Variants in ASCC3 observed in about 807,000 individuals in gnomAD.
ASCC3 encodes the protein activating signal cointegrator 1 complex subunit 3, also known as ASC-1 complex subunit P200.
ASCC3 carries 158 observed loss-of-function variants against 256.3 expected under a neutral mutation model. That is an observed-to-expected ratio of 0.62 (90% CI 0.54 to 0.70). The LOEUF is 0.70. Ranked by LOEUF, ASCC3 falls within the 30% of genes least tolerant of loss-of-function variation. The pLI is 0.00. For missense variants in ASCC3, 2,259 were observed against 2,626.0 expected (o/e 0.86, Z 3.05); for synonymous variants, 948 against 883.4 (o/e 1.07, Z -1.30).
chr6:100,722,848 C>CT (rs1218750244), intron 11 of ASCC3, among the ~76,000 whole-genome samples: 10 of 151,670 alleles, frequency 6.6e-5, no homozygotes, highest in Non-Finnish European at 1.3e-4. Context: ...TTCATTCTCA[C>CT]TTTTTTTAAA....
At chr6:100,684,682 C>T (rs2114973174) in intron 13 of ASCC3, among the ~76,000 whole-genome samples, 1 of 151,890 alleles carries the variant, frequency 6.6e-6, no homozygotes, top group Middle Eastern at 3.4e-3. Context: ...GTGTATTTAA[C>T]ATCACACAAA....
At chr6:100,610,549 A>G (rs1445584190) in intron 30 of ASCC3, among the ~76,000 whole-genome samples, 3 of 152,148 alleles carry the variant, frequency 2.0e-5, no homozygotes, top group African/African-American at 7.2e-5. Context: ...AGCACTGTAC[A>G]AACTAGGTGA....
At chr6:100,510,346 A>G (rs1053623213) in intron 40 of ASCC3, 3 of 491,820 alleles carry the variant, frequency 6.1e-6, no homozygotes, top group African/African-American at 5.8e-5. Context: ...TGTAACTATC[A>G]GAATATATGG....
intron 12 of ASCC3, among the ~76,000 whole-genome samples, chr6:100,716,940 A>C (rs1779113951): frequency 6.6e-6 from 1 of 152,008 alleles, no homozygotes; most frequent in Admixed American, 6.6e-5. Context: ...CTATAAAAGA[A>C]GGTCTACATC....
At chr6:100,653,843 A>G (rs532272759) in intron 17 of ASCC3, among the ~76,000 whole-genome samples, 1 of 152,096 alleles carries the variant, frequency 6.6e-6, no homozygotes, top group African/African-American at 2.4e-5. Flanking sequence ...ATTGTGTATA[A>G]ATATATGTAT....
At chr6:100,856,484 C>A (rs1772947419) in intron 3 of ASCC3, 1 of 875,100 alleles carries the variant, frequency 1.1e-6, no homozygotes, top group East Asian at 1.2e-4. Context: ...CATAGTAATT[C>A]TTTTTATTGA....
intron 36 of ASCC3, among the ~76,000 whole-genome samples, chr6:100,565,637 C>T (rs1446648341): frequency 6.6e-6 from 1 of 151,996 alleles, no homozygotes; most frequent in Non-Finnish European, 1.5e-5. Context: ...ATAGTCTAAA[C>T]CCCAGGGCCA....
intron 8 of ASCC3, among the ~76,000 whole-genome samples, chr6:100,778,136 G>GT (rs1782276995): frequency 6.6e-6 from 1 of 151,412 alleles, no homozygotes; most frequent in African/African-American, 2.4e-5. Flanking sequence ...CAAAGATGAC[G>GT]TTTTTCTTGA....
At chr6:100,634,410 A>G (rs531863890) in intron 25 of ASCC3, among the ~76,000 whole-genome samples, 1 of 152,046 alleles carries the variant, frequency 6.6e-6, no homozygotes, top group South Asian at 2.1e-4. Context: ...CCTTCCCCCT[A>G]CCCAAATGGG....
At chr6:100,649,216 T>G (rs1223740434) in intron 20 of ASCC3, among the ~76,000 whole-genome samples, 1 of 151,790 alleles carries the variant, frequency 6.6e-6, no homozygotes, top group African/African-American at 2.4e-5. Flanking sequence ...AAGTTTTACA[T>G]TGTAAGCAAT....
At chr6:100,556,952 A>G (rs1440206300) in intron 36 of ASCC3, among the ~76,000 whole-genome samples, 1 of 152,156 alleles carries the variant, frequency 6.6e-6, no homozygotes, top group Admixed American at 6.5e-5. Flanking sequence ...ATTACCCCCA[A>G]AAATTCATCT....
chr6:100,761,639 A>G (rs1181221808), intron 10 of ASCC3, among the ~76,000 whole-genome samples: 1 of 152,192 alleles, frequency 6.6e-6, no homozygotes, highest in Non-Finnish European at 1.5e-5. Context: ...TGGAGTTTGG[A>G]GATTATTGGC....
intron 1 of ASCC3, among the ~76,000 whole-genome samples, chr6:100,874,643 G>T (rs923183057): frequency 1.3e-5 from 2 of 151,896 alleles, no homozygotes; most frequent in Admixed American, 6.5e-5. Flanking sequence ...ATTTTATGAG[G>T]CTCTAGAGAT....
intron 4 of ASCC3, among the ~76,000 whole-genome samples, chr6:100,825,892 C>T (rs1283569159): frequency 1.3e-5 from 2 of 151,530 alleles, no homozygotes; most frequent in African/African-American, 4.9e-5. Context: ...GCTTGATTGA[C>T]TCGGCTATTG....
rs117853172 is a variant in ASCC3, at chr6:100,803,431, G to A, written c.922+2329C>T. 0.013 allele frequency among the ~76,000 whole-genome samples: 1,933 copies of A among 152,234 alleles called. 97 individuals carry two copies. The East Asian group carries it at 0.15, about 12-fold the overall frequency. On this transcript the variant is annotated intron_variant, in intron 5 of 41. Transcript: ENST00000369162. ...ACATATTTCTCTCTCCTGCCACCATGTGAAGTAGGTCCTTGCTTCCCCTTC... is the reference window on the plus strand; with the variant it reads ...ACATATTTCTCTCTCCTGCCACCATATGAAGTAGGTCCTTGCTTCCCCTTC...
At chr6:100,829,254 G>A (rs931324285) in intron 4 of ASCC3, among the ~76,000 whole-genome samples, 3 of 152,150 alleles carry the variant, frequency 2.0e-5, no homozygotes, top group Admixed American at 1.3e-4. Context: ...TTGGGTGGTC[G>A]ATGGGACTGG....
intron 4 of ASCC3, among the ~76,000 whole-genome samples, chr6:100,827,513 ATTTCTT>A (rs1322475867): frequency 6.6e-6 from 1 of 152,088 alleles, no homozygotes; most frequent in Non-Finnish European, 1.5e-5. Context: ...TTGATAGCTC[ATTTCTT>A]TTTATCACTG....
At chr6:100,645,351 A>T (rs1429164620) in intron 22 of ASCC3, among the ~76,000 whole-genome samples, 1 of 151,890 alleles carries the variant, frequency 6.6e-6, no homozygotes, top group Non-Finnish European at 1.5e-5. Context: ...TGTAAAAAAC[A>T]TTATTATTAT....
chr6:100,727,780 A>G (rs1779708523), intron 10 of ASCC3, among the ~76,000 whole-genome samples: 1 of 152,156 alleles, frequency 6.6e-6, no homozygotes. Flanking sequence ...GGCTTCACAA[A>G]GAACTGAGCC....
Sources: gnomAD v4.1 joint callset for allele counts (sites outside exome capture counted in the v4.1 genomes callset) on GRCh38, gnomAD v4.1.1 for gene constraint, MANE v1.5 for transcripts, NCBI Gene and HGNC (gene_info 2026-07-23, HGNC 2026-07-21) for gene names.